ICA1L: variants seen among roughly 807,000 people sequenced by gnomAD.
ICA1L encodes islet cell autoantigen 1 like.
A neutral mutation model predicts 61.3 loss-of-function variants in ICA1L; 50 were observed. That is an observed-to-expected ratio of 0.82 (90% CI 0.65 to 1.03). ICA1L has a LOEUF of 1.03. Ranked by LOEUF, ICA1L falls within the 50% of genes least tolerant of loss-of-function variation. The pLI is 0.00. For missense variants in ICA1L, 508 were observed against 556.7 expected, an observed-to-expected ratio of 0.91 and a Z score of 0.88; for synonymous variants, 161 against 191.3, an observed-to-expected ratio of 0.84 and a Z score of 1.31.
In ICA1L at chr2:202,854,749, C is replaced by T. The variant is rs570376562; in HGVS notation, c.-8+16870G>A. Among the ~76,000 whole-genome samples, 7 of 152,274 alleles carry T rather than the reference C, an allele frequency of 4.6e-5. No individual in the cohort carries two copies. In the East Asian group the frequency reaches 1.2e-3, roughly 25 times the overall value. ...CAGGATTAAGAAACTCACCTGAGGC[C>T]GGGTGCAGTGGCTCAGGCCTGTAAT... On this transcript the variant is annotated intron_variant, in intron 1 of 12. Transcript: ENST00000358299.
At chr2:202,840,891 C>G in intron 1 of ICA1L, 1 of 680,558 alleles carries the variant, frequency 1.5e-6, no homozygotes, top group Non-Finnish European at 2.8e-6. Flanking sequence ...CAGGTCATCC[C>G]CGTGCTTCCC....
rs12993479 is a variant in ICA1L, at chr2:202,836,808, T to A, written c.-7-7792A>T. ...GTGTGTGTATATCTATATATATAGA[T>A]ATATATAGATATATAGATATAGATA... On this transcript the variant is annotated intron_variant, in intron 1 of 12. Coordinates refer to ENST00000358299, the MANE Select transcript of ICA1L (RefSeq NM_001288622.3). Among the ~76,000 whole-genome samples the A allele has an allele frequency of 7.2e-4, 43 of 59,860 alleles. 1 individual carries two copies. Among genetic ancestry groups the A allele is most frequent in the Admixed American group, 6.7e-3 (38 of 5,692 alleles). 39.3% of individuals were successfully genotyped at this position (59,860 alleles called of 152,430 possible).
chr2:202,828,853 G>A lies in ICA1L; in HGVS notation c.157C>T (p.Leu53Phe), dbSNP rs760385809. 1.9e-6 allele frequency: 3 copies of A among 1,613,530 alleles called. No individual in the cohort carries two copies. Among genetic ancestry groups the A allele is most frequent in the Non-Finnish European group, 1.7e-6 (2 of 1,179,568 alleles). ...CATAGAATCCTCAAATTTACCTCAA[G>A]TTTAGCATCCAGTTCAGCATCAGAC... Reference protein sequence around the residue: ...VASDAELDAKLEVFHSVQETC... With the variant: ...VASDAELDAKFEVFHSVQETC... The change falls in exon 2 of 13, where the codon CTT becomes TTT. Residue 53 changes from leucine (L) to phenylalanine (F), a missense_variant. Physicochemically the swap from Leu to Phe is conservative, Grantham distance 22. Transcript: ENST00000358299.
chr2:202,804,869 T>C (rs546899362), intron 9 of ICA1L, among the ~76,000 whole-genome samples: 78 of 152,372 alleles, frequency 5.1e-4, no homozygotes, highest in Admixed American at 1.8e-3. Flanking sequence ...GATGAATTTT[T>C]CTATTTCCAT....
chr2:202,851,381 T>G (rs1334972303), intron 1 of ICA1L, among the ~76,000 whole-genome samples: 1 of 152,216 alleles, frequency 6.6e-6, no homozygotes, highest in Non-Finnish European at 1.5e-5. Context: ...ATGGTGTATA[T>G]GTGCCACATT....
chr2:202,782,439 G>A (rs1197442585), intron 12 of ICA1L, among the ~76,000 whole-genome samples: 1 of 147,458 alleles, frequency 6.8e-6, no homozygotes, highest in Non-Finnish European at 1.5e-5. Flanking sequence ...ATGGAGTCTT[G>A]CTCTGTCGCC....
chr2:202,776,806 A>G lies in ICA1L; in HGVS notation c.*2727T>C, dbSNP rs1692236602. Reference sequence around the variant, plus strand: ...AAGAAATGTTATAGAAACTAGTAACAGAATAATAAAAGTCCCTTGTATGTC... The same window carrying G: ...AAGAAATGTTATAGAAACTAGTAACGGAATAATAAAAGTCCCTTGTATGTC... On this transcript the variant is annotated 3_prime_UTR_variant, in exon 13 of 13. Coordinates refer to ENST00000358299, the MANE Select transcript of ICA1L (RefSeq NM_001288622.3). 1 of 152,214 alleles carries G rather than the reference A, an allele frequency of 6.6e-6. No homozygotes were observed. The highest frequency in any genetic ancestry group is 1.5e-5 in the Non-Finnish European group (1 of 68,040). The allele number at this position is 152,214 out of a possible 1,614,324, so 9.4% of individuals were successfully genotyped here. A position where few individuals can be genotyped will look rare whatever the true frequency, so the allele number is the denominator to read the frequency against.
rs375190040 is a variant in ICA1L, at chr2:202,819,914, G to A, written c.360-15C>T. 3.0e-4 allele frequency: 480 copies of A among 1,601,360 alleles called. 1 individual carries two copies. Among genetic ancestry groups the A allele is most frequent in the South Asian group, 9.5e-4 (86 of 90,550 alleles). On this transcript the variant is annotated splice_polypyrimidine_tract_variant and intron_variant, in intron 4 of 12. Transcript: ENST00000358299. ...ACAGGGCCAATCTAATGGCAGAGAG[G>A]TAAAAATCAGAGGGTTGAACACATC... is the stretch of plus-strand genomic sequence containing the variant.
In ICA1L at chr2:202,788,839, C is replaced by T. The variant is rs1692664746; in HGVS notation, c.1234G>A (p.Ala412Thr). ...LFDLGFHVAG[A>T]FNNWVSQEES... ...TTTCATAGACACTTACTGTTGAACG[C>T]TCCAGCCACATGAAAGCCAAGGTCA... The change falls in exon 11 of 13, where the codon GCG (alanine) becomes ACG (threonine). Residue 412 changes from alanine (A) to threonine (T), a missense_variant. Ala to Thr is a moderately conservative substitution (Grantham distance 58). Transcript: ENST00000358299. 7 of 1,613,894 alleles carry T rather than the reference C, an allele frequency of 4.3e-6. No individual in the cohort carries two copies. In the East Asian group the frequency reaches 1.1e-4, roughly 26 times the overall value.
At chr2:202,868,384 T>C (rs1194879130) in intron 1 of ICA1L, among the ~76,000 whole-genome samples, 2 of 152,326 alleles carry the variant, frequency 1.3e-5, no homozygotes, top group South Asian at 2.1e-4. Flanking sequence ...AAGCATTAGA[T>C]AGTATAACCA....
chr2:202,824,707 T>C lies in ICA1L; in HGVS notation c.235+988A>G, dbSNP rs565110417. On this transcript the variant is annotated intron_variant, in intron 3 of 12. Transcript: ENST00000358299. The stretch of plus-strand genomic sequence containing the variant: ...AATATGGCTAAAGAGGAGAAGCTTT[T>C]AGGAGGTGTGATTAGAGAGGTAGCC... Among the ~76,000 whole-genome samples the C allele has an allele frequency of 7.2e-5, 11 of 152,206 alleles. No homozygotes were observed. In the South Asian group the frequency reaches 1.5e-3, roughly 20 times the overall value.
chr2:202,834,611 G>C (rs1694097555), intron 1 of ICA1L, among the ~76,000 whole-genome samples: 1 of 152,068 alleles, frequency 6.6e-6, no homozygotes, highest in African/African-American at 2.4e-5. Flanking sequence ...CTGGGTGACA[G>C]AGCCAGACTC....
chr2:202,842,583 T>C (rs1292813780), intron 1 of ICA1L, among the ~76,000 whole-genome samples: 2 of 152,244 alleles, frequency 1.3e-5, no homozygotes, highest in Non-Finnish European at 2.9e-5. Flanking sequence ...CAGGATGCTC[T>C]CTTCATCTTT....
intron 1 of ICA1L, among the ~76,000 whole-genome samples, chr2:202,836,753 C>A (rs1282928805): frequency 1.7e-5 from 2 of 115,328 alleles, no homozygotes; most frequent in African/African-American, 5.8e-5. Flanking sequence ...TAGGAATTTA[C>A]CCATTTCTTT....
intron 2 of ICA1L, among the ~76,000 whole-genome samples, chr2:202,828,529 T>C (rs1379584980): frequency 1.3e-5 from 2 of 152,216 alleles, no homozygotes; most frequent in African/African-American, 4.8e-5. Context: ...CAAAATAGTA[T>C]GACTTGATAT....
intron 1 of ICA1L, among the ~76,000 whole-genome samples, chr2:202,836,250 C>CT (rs1053704851): frequency 2.6e-5 from 4 of 152,040 alleles, no homozygotes; most frequent in Non-Finnish European, 4.4e-5. Flanking sequence ...TGTTGAATGC[C>CT]TTTTTTGTAT....
chr2:202,793,540 TG>T, intron 10 of ICA1L, among the ~76,000 whole-genome samples: 1 of 121,800 alleles, frequency 8.2e-6, no homozygotes, highest in Non-Finnish European at 1.6e-5. Context: ...TAGCCAGGTG[TG>T]GTGGCAGGTG....
chr2:202,817,742 T>G (rs913902356), intron 5 of ICA1L, among the ~76,000 whole-genome samples, 199 bp from the exon 6 acceptor site: 1 of 152,180 alleles, frequency 6.6e-6, no homozygotes, highest in African/African-American at 2.4e-5. Context: ...TTGTAGGAGA[T>G]TCTTTCCAGA....
chr2:202,787,978 G>T (rs907338225), intron 11 of ICA1L, among the ~76,000 whole-genome samples: 3 of 152,184 alleles, frequency 2.0e-5, no homozygotes, highest in Non-Finnish European at 4.4e-5. Flanking sequence ...AGAAGCAGAA[G>T]AAGCAACACA....
Sources: allele counts gnomAD v4.1 joint callset (sites outside exome capture counted in the v4.1 genomes callset), GRCh38; gene constraint gnomAD v4.1.1; transcripts MANE v1.5; gene names NCBI Gene and HGNC (gene_info 2026-07-23, HGNC 2026-07-21).